Variants in FAM76A observed in about 807,000 individuals in gnomAD.
The protein encoded by FAM76A is protein FAM76A.
A neutral mutation model predicts 46.2 loss-of-function variants in FAM76A; 32 were observed. The observed-to-expected ratio is 0.69, with a 90% CI of 0.52 to 0.93. The LOEUF (loss-of-function observed/expected upper bound fraction) is 0.93. Ranked by LOEUF, FAM76A falls within the 40% of genes least tolerant of loss-of-function variation. The pLI, the probability that FAM76A is intolerant of heterozygous loss-of-function variation, is 0.00. For synonymous variants in FAM76A, 137 were observed against 127.0 expected, an observed-to-expected ratio of 1.08 and a Z score of -0.53; for missense variants, 274 against 361.5, an observed-to-expected ratio of 0.76 and a Z score of 1.96.
Position 27,737,868 on chromosome 1 carries a change from C to A in FAM76A, c.354+3685C>A, listed in dbSNP as rs111974706. On this transcript the variant is annotated intron_variant, in intron 4 of 8. Transcript: ENST00000373954. ...CTCCATCTCAAAACAACAACAACAA[C>A]AAAAAAAAAAAAAAAAAAAAAAAAC... is the stretch of plus-strand genomic sequence containing the variant. Among the ~76,000 whole-genome samples, 271 of 62,546 alleles carry A rather than the reference C, an allele frequency of 4.3e-3. 1 individual carries two copies. Among genetic ancestry groups the A allele is most frequent in the East Asian group, 0.013 (21 of 1,616 alleles). The allele number at this position is 62,546 out of a possible 152,430, so 41.0% of individuals were successfully genotyped here. A position where few individuals can be genotyped will look rare whatever the true frequency, so the allele number is the denominator to read the frequency against.
intron 2 of FAM76A, among the ~76,000 whole-genome samples, chr1:27,731,361 G>A (rs994114416): frequency 2.9e-4 from 44 of 151,916 alleles, no homozygotes; most frequent in African/African-American, 8.9e-4. Context: ...ACACCACCAC[G>A]CCTGGCTAAT....
chr1:27,732,272 A>G (rs1312461649), intron 2 of FAM76A, among the ~76,000 whole-genome samples: 1 of 152,154 alleles, frequency 6.6e-6, no homozygotes, highest in Non-Finnish European at 1.5e-5. Flanking sequence ...TCTATCAAAA[A>G]TATAAAAATT....
intron 2 of FAM76A, among the ~76,000 whole-genome samples, chr1:27,729,495 C>T (rs540056426): frequency 4.6e-5 from 7 of 151,494 alleles, no homozygotes; most frequent in East Asian, 1.9e-4. Context: ...CAGGCGTGAC[C>T]GACCACACCC....
At chr1:27,732,007 AG>A (rs1053037108) in intron 2 of FAM76A, among the ~76,000 whole-genome samples, 1 of 152,044 alleles carries the variant, frequency 6.6e-6, no homozygotes, top group Non-Finnish European at 1.5e-5. Context: ...TTTTTAGTAG[AG>A]ATGGAGTTTC....
intron 7 of FAM76A, among the ~76,000 whole-genome samples, chr1:27,755,549 T>C (rs914037000): frequency 6.6e-6 from 1 of 152,158 alleles, no homozygotes; most frequent in African/African-American, 2.4e-5. Context: ...CACTTGCAGC[T>C]TCCACTTCTC....
At chr1:27,736,737 G>A (rs940631179) in intron 4 of FAM76A, among the ~76,000 whole-genome samples, 11 of 151,640 alleles carry the variant, frequency 7.3e-5, no homozygotes, top group Non-Finnish European at 1.5e-4. Flanking sequence ...ACAGGTGCAC[G>A]CCACCACGCC....
intron 8 of FAM76A, chr1:27,759,877 C>G (rs554256159): frequency 5.4e-6 from 3 of 550,754 alleles, no homozygotes; most frequent in Non-Finnish European, 1.0e-5. Context: ...AGGTGATCCT[C>G]CCACCTCACC....
At chr1:27,745,806 C>T (rs1049010202) in intron 5 of FAM76A, among the ~76,000 whole-genome samples, 4 of 152,168 alleles carry the variant, frequency 2.6e-5, no homozygotes, top group African/African-American at 9.7e-5. Flanking sequence ...GAGAGAATAG[C>T]ATTTGCAAAG....
chr1:27,744,847 C>G (rs377660883), intron 5 of FAM76A, 36 bp downstream of exon 5: 1 of 1,594,068 alleles, frequency 6.3e-7, no homozygotes, highest in Non-Finnish European at 8.6e-7. Context: ...ACTAGAAGTG[C>G]TGGTAGGTCA....
chr1:27,726,275 C>G, intron 1 of FAM76A, 114 bp downstream of exon 1: 5 of 980,492 alleles, frequency 5.1e-6, no homozygotes, highest in Non-Finnish European at 6.6e-6. Flanking sequence ...GGCAGGCCCG[C>G]CAGGCTGAGG....
chr1:27,762,648 GTT>G lies in FAM76A; in HGVS notation c.*2070_*2071del, dbSNP rs1277161521. ...GCAAGGGAAATGGCAGTGCTAAATA[GTT>G]TTGTAAAGTTTTTGAATGAGAAGCT... On this transcript the variant is annotated 3_prime_UTR_variant, in exon 9 of 9. Transcript: ENST00000373954. The G allele has an allele frequency of 6.6e-6, 1 of 152,068 alleles. No homozygotes were observed. Among genetic ancestry groups the G allele is most frequent in the African/African-American group, 2.4e-5 (1 of 41,408 alleles). The allele number at this position is 152,068 out of a possible 1,614,324, so 9.4% of individuals were successfully genotyped here.
chr1:27,730,506 A>C (rs1007470618), intron 2 of FAM76A, among the ~76,000 whole-genome samples: 1 of 151,992 alleles, frequency 6.6e-6, no homozygotes, highest in Non-Finnish European at 1.5e-5. Context: ...TTTTCTTTGC[A>C]TGTTTTTTAA....
At chr1:27,732,378 A>G (rs368990933) in intron 2 of FAM76A, among the ~76,000 whole-genome samples, 5 of 152,126 alleles carry the variant, frequency 3.3e-5, no homozygotes, top group South Asian at 2.1e-4. Context: ...TATAGTGAGC[A>G]GATTGCACCA....
chr1:27,729,891 A>T (rs1162002741), intron 2 of FAM76A, among the ~76,000 whole-genome samples: 2 of 152,138 alleles, frequency 1.3e-5, no homozygotes, highest in East Asian at 3.9e-4. Flanking sequence ...CACCCCATAG[A>T]GTCCTCTCAT....
Position 27,741,193 on chromosome 1 carries a change from A to ATTTTTT in FAM76A, c.355-3444_355-3439dup, listed in dbSNP as rs767134759. ...TACCCAGTTTTTATTGGGAGATTTGATTTTTTTTTTTTTTTTTTTTTTGAG... is the reference window on the plus strand; with the variant it reads ...TACCCAGTTTTTATTGGGAGATTTGATTTTTTTTTTTTTTTTTTTTTTTTTTTTGAG... On this transcript the variant is annotated intron_variant, in intron 4 of 8. Coordinates refer to ENST00000373954, the MANE Select transcript of FAM76A (RefSeq NM_152660.3). Among the ~76,000 whole-genome samples the ATTTTTT allele has an allele frequency of 1.3e-4, 15 of 116,490 alleles. 1 individual carries two copies. The highest frequency in any genetic ancestry group is 5.4e-4 in the East Asian group (2 of 3,734). 76.4% of individuals were successfully genotyped at this position (116,490 alleles called of 152,430 possible).
rs550328135 is a variant in FAM76A at position 27,737,319 on chromosome 1, A to T, written c.354+3136A>T. Among the ~76,000 whole-genome samples the T allele has an allele frequency of 2.0e-5, 3 of 152,312 alleles. No homozygotes were observed. The South Asian group carries it at 6.2e-4, about 32-fold the overall frequency. On this transcript the variant is annotated intron_variant, in intron 4 of 8. Coordinates refer to ENST00000373954, the MANE Select transcript of FAM76A (RefSeq NM_152660.3). The stretch of plus-strand genomic sequence containing the variant: ...AAAATGTCTTGTGGATCTATGTGCA[A>T]TTTTTATATTCATTGTTTGTTCTCT...
intron 2 of FAM76A, among the ~76,000 whole-genome samples, chr1:27,727,911 G>A (rs1016096859): frequency 2.0e-5 from 3 of 146,870 alleles, no homozygotes; most frequent in Admixed American, 7.1e-5. Flanking sequence ...AGGTTCAAGC[G>A]ATTCTTATGC....
In FAM76A at chr1:27,760,796, C is replaced by G. The variant is rs969875187; in HGVS notation, c.*215C>G. 2 of 259,656 alleles carry G rather than the reference C, an allele frequency of 7.7e-6. No individual in the cohort carries two copies. Among genetic ancestry groups the G allele is most frequent in the African/African-American group, 4.6e-5 (2 of 43,896 alleles). 16.1% of individuals were successfully genotyped at this position (259,656 alleles called of 1,614,324 possible). A position where few individuals can be genotyped will look rare whatever the true frequency, so the allele number is the denominator to read the frequency against. ...GAGTGTTTGGGATTTCAAGCTCGCT[C>G]TCTTTCTCTCACTATTAGGACTTTT... On this transcript the variant is annotated 3_prime_UTR_variant, in exon 9 of 9. Coordinates refer to ENST00000373954, the MANE Select transcript of FAM76A (RefSeq NM_152660.3).
intron 8 of FAM76A, 87 bp downstream of exon 8, chr1:27,759,714 G>C: frequency 1.2e-6 from 1 of 852,488 alleles, no homozygotes; most frequent in South Asian, 1.7e-5. Flanking sequence ...TCATCTCTTA[G>C]ATTTCTTTTT....
Sources: allele counts gnomAD v4.1 joint callset (sites outside exome capture counted in the v4.1 genomes callset), GRCh38; gene constraint gnomAD v4.1.1; transcripts MANE v1.5; gene names NCBI Gene and HGNC (gene_info 2026-07-23, HGNC 2026-07-21).